GP6: variants seen among roughly 807,000 people sequenced by gnomAD.
GP6 encodes platelet glycoprotein VI.
GP6 carries 45 observed loss-of-function variants against 37.3 expected under a neutral mutation model. That is an observed-to-expected ratio of 1.21 (90% CI 0.95 to 1.55). GP6 has a LOEUF of 1.55. GP6 is among the 40% of genes most tolerant of loss of function. The pLI is 0.00. For missense variants in GP6, 813 were observed against 760.2 expected (o/e 1.07, Z -0.82); for synonymous variants, 340 against 316.4 (o/e 1.07, Z -0.79).
chr19:55,033,023 C>CGTGTT (rs1202990280), intron 1 of GP6, among the ~76,000 whole-genome samples: 2 of 103,818 alleles, frequency 1.9e-5, no homozygotes, highest in Admixed American at 1.1e-4. Context: ...TGGACTCGTT[C>CGTGTT]GTGTTAGACA....
intron 5 of GP6, among the ~76,000 whole-genome samples, chr19:55,024,291 T>TGCATGCACACACACAC (rs2074196813): frequency 8.8e-6 from 1 of 113,350 alleles, no homozygotes; most frequent in Non-Finnish European, 2.0e-5. Context: ...CACACACATA[T>TGCATGCACACACACAC]GCACGCATGC....
intron 6 of GP6, among the ~76,000 whole-genome samples, chr19:55,017,631 C>T (rs914417245): frequency 2.0e-5 from 3 of 151,974 alleles, no homozygotes; most frequent in East Asian, 1.9e-4. Flanking sequence ...CATGGGAATG[C>T]GTGGAAGGTA....
At chr19:55,033,963 A>G (rs939030639) in intron 1 of GP6, among the ~76,000 whole-genome samples, 1 of 152,092 alleles carries the variant, frequency 6.6e-6, no homozygotes, top group Non-Finnish European at 1.5e-5. Flanking sequence ...AGGATGGGGA[A>G]AGTTCCCAAC....
Position 55,036,839 on chromosome 19 carries a change from C to T in GP6, c.34+1364G>A, listed in dbSNP as rs567439420. ...CAGCCTGGCCAACATGGTGAAACCC[C>T]GCCCCTACTAAAAATACAATAATTA... On this transcript the variant is annotated intron_variant, in intron 1 of 7. Coordinates refer to ENST00000310373, the MANE Select transcript of GP6 (RefSeq NM_001083899.2). Among the ~76,000 whole-genome samples the T allele has an allele frequency of 2.3e-3, 348 of 152,252 alleles. 2 individuals carry two copies. Among genetic ancestry groups the T allele is most frequent in the African/African-American group, 7.9e-3 (328 of 41,548 alleles).
At chr19:55,016,751 T>C (rs1387432805) in intron 6 of GP6, among the ~76,000 whole-genome samples, 1 of 151,628 alleles carries the variant, frequency 6.6e-6, no homozygotes, top group Admixed American at 6.6e-5. Flanking sequence ...GGAACCCAAA[T>C]ATTAATAAGA....
At chr19:55,016,973 G>A (rs575637205) in intron 6 of GP6, among the ~76,000 whole-genome samples, 1 of 152,170 alleles carries the variant, frequency 6.6e-6, no homozygotes, top group South Asian at 2.1e-4. Context: ...GCAGTGAGCT[G>A]AGATCGCAGA....
Position 55,038,225 on chromosome 19 carries a change from G to A in GP6, c.12C>T (p.Ser4=), listed in dbSNP as rs1460914495. Residue 4 remains serine, a synonymous_variant, in exon 1 of 8, where the codon TCC becomes TCT. Coordinates refer to ENST00000310373, the MANE Select transcript of GP6 (RefSeq NM_001083899.2). Reference sequence around the variant, plus strand: ...CACCAAGACAGAAGAGGGCGGTCGGGGATGGAGACATGGTTCCTCAGCCCT... The same window carrying A: ...CACCAAGACAGAAGAGGGCGGTCGGAGATGGAGACATGGTTCCTCAGCCCT... 2 of 1,591,244 alleles carry A rather than the reference G, an allele frequency of 1.3e-6. No individual in the cohort carries two copies. The highest frequency in any genetic ancestry group is 2.7e-5 in the African/African-American group (2 of 74,718).
rs1282834493 is a variant in GP6, at chr19:55,027,671, C to T, written c.517G>A (p.Ala173Thr). 5.0e-6 allele frequency: 8 copies of T among 1,611,954 alleles called. No homozygotes were observed. Among genetic ancestry groups the T allele is most frequent in the Non-Finnish European group, 6.8e-6 (8 of 1,178,106 alleles). ...TAGCATCGGTAGGTTCCGCTGTGGG[C>T]GGCGGTCACCGTGATGATGGGAAAA... The change falls in exon 4 of 8, where the codon GCC becomes ACC. Residue 173 changes from alanine (A) to threonine (T), a missense_variant. By Grantham distance (58) the Ala-to-Thr change is moderately conservative (BLOSUM62 0). Coordinates refer to ENST00000310373, the MANE Select transcript of GP6 (RefSeq NM_001083899.2).
At chr19:55,027,504 T>TGGCC in intron 4 of GP6, 74 bp downstream of exon 4, 1 of 1,246,076 alleles carries the variant, frequency 8.0e-7, no homozygotes, top group Non-Finnish European at 1.2e-6. Context: ...TTCCCACTTA[T>TGGCC]GGCCCCTCCC....
At chr19:55,025,314 TG>T in intron 4 of GP6, 43 bp from the exon 5 acceptor site, 1 of 1,273,460 alleles carries the variant, frequency 7.9e-7, no homozygotes, top group Non-Finnish European at 1.1e-6. Context: ...TCTGTCGCTG[TG>T]GGTCCTGAAC....
intron 1 of GP6, 72 bp from the exon 2 acceptor site, chr19:55,032,610 A>C: frequency 6.7e-7 from 1 of 1,498,882 alleles, no homozygotes; most frequent in South Asian, 1.2e-5. Flanking sequence ...GGGCGCGGTG[A>C]TAAGACATTT....
intron 6 of GP6, among the ~76,000 whole-genome samples, chr19:55,017,335 T>G (rs1365490640): frequency 4.6e-5 from 7 of 152,054 alleles, no homozygotes; most frequent in Admixed American, 3.9e-4. Flanking sequence ...CAGGCTGGTC[T>G]CCTGACCTCA....
chr19:55,015,529 C>G (rs2073841162), intron 7 of GP6, 154 bp downstream of exon 7: 5 of 676,448 alleles, frequency 7.4e-6, no homozygotes. Flanking sequence ...GATCTTAATG[C>G]CCAATTCTGA....
chr19:55,018,212 C>T (rs1024487143), intron 6 of GP6, among the ~76,000 whole-genome samples: 1 of 152,116 alleles, frequency 6.6e-6, no homozygotes, highest in African/African-American at 2.4e-5. Context: ...CCAGGACAGG[C>T]AAGGGGAAAG....
chr19:55,037,248 A>AC (rs949162446), intron 1 of GP6, among the ~76,000 whole-genome samples: 18 of 152,160 alleles, frequency 1.2e-4, no homozygotes, highest in African/African-American at 4.1e-4. Flanking sequence ...TCGACCTGCC[A>AC]CCCATCCATC....
chr19:55,032,021 C>T, intron 3 of GP6, 118 bp downstream of exon 3: 1 of 989,016 alleles, frequency 1.0e-6, no homozygotes, highest in African/African-American at 1.6e-5. Context: ...CGTGGCACCA[C>T]CACCCGCTAG....
intron 7 of GP6, 152 bp downstream of exon 7, chr19:55,015,531 C>A (rs2073841336): frequency 3.0e-6 from 2 of 677,792 alleles, no homozygotes; most frequent in Admixed American, 2.4e-5. Flanking sequence ...TCTTAATGCC[C>A]AATTCTGAAC....
Position 55,032,278 on chromosome 19 carries a change from C to T in GP6, c.186G>A (p.Leu62=). Residue 62 remains leucine, a synonymous_variant, in exon 3 of 8, where the codon CTG becomes CTA. Transcript: ENST00000310373. ...CCTGATCCTGGTACCTGCTGGAACT[C>T]AGCTTCTCCAGGCGGTACAGGTCCA... 1.2e-6 allele frequency: 2 copies of T among 1,614,206 alleles called. No homozygotes were observed. Among genetic ancestry groups the T allele is most frequent in the Non-Finnish European group, 1.7e-6 (2 of 1,180,046 alleles).
chr19:55,013,835 C>A lies in GP6; in HGVS notation c.*247G>T. The stretch of plus-strand genomic sequence containing the variant: ...CCTCCCACAGTGCTAGGATTACAGA[C>A]ATGATCCACTGCACTTGGCCCAGTG... On this transcript the variant is annotated 3_prime_UTR_variant, in exon 8 of 8. Transcript: ENST00000310373. 2.9e-6 allele frequency: 1 copy of A among 345,074 alleles called. No individual in the cohort carries two copies. The highest frequency in any genetic ancestry group is 2.3e-5 in the South Asian group (1 of 43,028). 21.4% of individuals were successfully genotyped at this position (345,074 alleles called of 1,614,324 possible).
Sources: allele counts gnomAD v4.1 joint callset (sites outside exome capture counted in the v4.1 genomes callset), GRCh38; gene constraint gnomAD v4.1.1; transcripts MANE v1.5; gene names NCBI Gene and HGNC (gene_info 2026-07-23, HGNC 2026-07-21).